The following ATL1 variants were observed in gnomAD, a reference collection of about 807,000 sequenced individuals.
The protein encoded by ATL1 is atlastin GTPase 1.
Under a neutral mutation model 75.5 loss-of-function variants are expected in ATL1, and 31 were observed. That is an observed-to-expected ratio of 0.41 (90% CI 0.31 to 0.55). ATL1 has a LOEUF of 0.55. ATL1 is among the 20% of genes least tolerant of loss of function. ATL1 has a pLI of 0.27. For synonymous variants in ATL1, 226 were observed against 233.3 expected (o/e 0.97, Z 0.28); for missense variants, 405 against 662.6 (o/e 0.61, Z 4.27).
At chr14:50,575,170 A>G (rs1167682308) in intron 1 of ATL1, among the ~76,000 whole-genome samples, 1 of 151,744 alleles carries the variant, frequency 6.6e-6, no homozygotes, top group Non-Finnish European at 1.5e-5. Context: ...ACACACATAC[A>G]CACACATGCA....
At chr14:50,542,006 CAAAAAAAAAAAAAAAAAAAAA>C (rs59075218) in intron 1 of ATL1, among the ~76,000 whole-genome samples, 1,392 of 62,386 alleles carry the variant, frequency 0.022, 39 homozygotes, top group African/African-American at 0.1. Context: ...GATTCCGTCT[CAAAAAAAAAAAAAAAAAAAAA>C]AAAAAAAAAA....
At chr14:50,582,632 G>A (rs1250814954) in intron 1 of ATL1, among the ~76,000 whole-genome samples, 4 of 150,212 alleles carry the variant, frequency 2.7e-5, no homozygotes, top group African/African-American at 7.3e-5. Context: ...CACCATCTTG[G>A]CCAGGTTGGT....
intron 1 of ATL1, among the ~76,000 whole-genome samples, chr14:50,537,217 G>A (rs1021235859): frequency 3.3e-5 from 5 of 152,190 alleles, no homozygotes; most frequent in Admixed American, 1.3e-4. Context: ...CATAGAGCTG[G>A]GGCCGTGGCT....
At chr14:50,546,396 G>C (rs1391636049) in intron 1 of ATL1, among the ~76,000 whole-genome samples, 2 of 151,684 alleles carry the variant, frequency 1.3e-5, no homozygotes, top group African/African-American at 2.4e-5. Flanking sequence ...GTGTGTGTGA[G>C]AGAGCATACA....
chr14:50,548,851 C>A (rs542328479), intron 1 of ATL1, among the ~76,000 whole-genome samples: 1 of 152,202 alleles, frequency 6.6e-6, no homozygotes, highest in South Asian at 2.1e-4. Flanking sequence ...ACTATACAGT[C>A]CTAGAGCAAC....
At chr14:50,613,076 G>A (rs940571907) in intron 6 of ATL1, among the ~76,000 whole-genome samples, 183 bp from the exon 7 acceptor site, 1 of 152,076 alleles carries the variant, frequency 6.6e-6, no homozygotes, top group African/African-American at 2.4e-5. Context: ...ATGGAAATAT[G>A]TAGGATGATC....
At chr14:50,601,713 A>T (rs2039273584) in intron 6 of ATL1, among the ~76,000 whole-genome samples, 1 of 152,234 alleles carries the variant, frequency 6.6e-6, no homozygotes, top group Non-Finnish European at 1.5e-5. Flanking sequence ...CACTATGAGC[A>T]TTTGAATTTA....
intron 1 of ATL1, among the ~76,000 whole-genome samples, chr14:50,574,468 G>T (rs2038982425): frequency 6.6e-6 from 1 of 152,126 alleles, no homozygotes; most frequent in African/African-American, 2.4e-5. Context: ...GAATGATTGA[G>T]CATGACACAG....
At chr14:50,574,917 G>A (rs1299582395) in intron 1 of ATL1, among the ~76,000 whole-genome samples, 1 of 86,186 alleles carries the variant, frequency 1.2e-5, no homozygotes, top group Non-Finnish European at 2.2e-5. Context: ...GAGTGTGTGT[G>A]TGTGTGTGTG....
chr14:50,624,009 T>A (rs1010057717), intron 11 of ATL1, among the ~76,000 whole-genome samples: 1 of 152,138 alleles, frequency 6.6e-6, no homozygotes, highest in East Asian at 1.9e-4. Context: ...GAGCTGAGAT[T>A]GTGCCACTGC....
At chr14:50,620,193 G>A (rs1467338092) in intron 8 of ATL1, among the ~76,000 whole-genome samples, 1 of 152,182 alleles carries the variant, frequency 6.6e-6, no homozygotes, top group Non-Finnish European at 1.5e-5. Flanking sequence ...AGGAGGCAGA[G>A]GTTGCAGTGA....
intron 1 of ATL1, among the ~76,000 whole-genome samples, chr14:50,570,941 G>T (rs545868297): frequency 2.0e-5 from 3 of 152,102 alleles, no homozygotes; most frequent in Non-Finnish European, 4.4e-5. Flanking sequence ...AGATCTTCAC[G>T]GTCTTTTCTG....
At chr14:50,630,941 T>A (rs1287285783) in intron 13 of ATL1, 1 of 455,792 alleles carries the variant, frequency 2.2e-6, no homozygotes, top group Non-Finnish European at 4.4e-6. Context: ...GATCTGAAGA[T>A]GGTACCATAC....
chr14:50,616,306 A>AT (rs1325594368), intron 8 of ATL1, among the ~76,000 whole-genome samples: 1 of 149,856 alleles, frequency 6.7e-6, no homozygotes, highest in Non-Finnish European at 1.5e-5. Context: ...GGCAATTATT[A>AT]TTTTTTTAGA....
chr14:50,615,830 C>T (rs1409161401), intron 8 of ATL1, among the ~76,000 whole-genome samples: 2 of 152,182 alleles, frequency 1.3e-5, no homozygotes, highest in East Asian at 1.9e-4. Context: ...AGGAGGGGTG[C>T]GCCTTCAACA....
At chr14:50,611,054 G>A (rs1047298626) in intron 6 of ATL1, among the ~76,000 whole-genome samples, 1 of 151,934 alleles carries the variant, frequency 6.6e-6, no homozygotes, top group Non-Finnish European at 1.5e-5. Flanking sequence ...TGACATAGCT[G>A]TCTTGAAAAA....
intron 1 of ATL1, among the ~76,000 whole-genome samples, chr14:50,586,117 T>C (rs936656994): frequency 6.6e-6 from 1 of 152,222 alleles, no homozygotes; most frequent in Non-Finnish European, 1.5e-5. Context: ...TTTTATCTAG[T>C]TATAAAACTT....
chr14:50,628,654 A>G (rs1030683597), intron 12 of ATL1, 192 bp downstream of exon 12: 11 of 719,212 alleles, frequency 1.5e-5, no homozygotes, highest in Non-Finnish European at 2.8e-5. Flanking sequence ...CTACACAACT[A>G]TTTTCCAGTT....
chr14:50,593,133 GC>G (rs1419900459), intron 4 of ATL1, among the ~76,000 whole-genome samples: 1 of 151,576 alleles, frequency 6.6e-6, no homozygotes, highest in Admixed American at 6.6e-5. Flanking sequence ...GATTGACTTT[GC>G]CTTATCAGTA....
Sources: allele counts gnomAD v4.1 joint callset (sites outside exome capture counted in the v4.1 genomes callset), GRCh38; gene constraint gnomAD v4.1.1; transcripts MANE v1.5; gene names NCBI Gene and HGNC (gene_info 2026-07-23, HGNC 2026-07-21).